OSCP1: variants seen among roughly 807,000 people sequenced by gnomAD.
The protein encoded by OSCP1 is protein OSCP1.
In OSCP1, 35 loss-of-function variants were observed where a neutral mutation model predicts 45.1. The observed-to-expected ratio is 0.78, with a 90% CI of 0.59 to 1.03. The LOEUF (loss-of-function observed/expected upper bound fraction) is 1.03. Among genes scored for constraint, OSCP1 ranks in the 50% least tolerant of loss-of-function variants. The pLI, the probability that OSCP1 is intolerant of heterozygous loss-of-function variation, is 0.00. For missense variants in OSCP1, 400 were observed against 470.7 expected, an observed-to-expected ratio of 0.85 and a Z score of 1.39; for synonymous variants, 179 against 180.1, an observed-to-expected ratio of 0.99 and a Z score of 0.05.
intron 2 of OSCP1, 48 bp downstream of exon 2, chr1:36,438,708 A>T: frequency 6.4e-7 from 1 of 1,562,814 alleles, no homozygotes; most frequent in African/African-American, 1.4e-5. Flanking sequence ...TCATCCACAA[A>T]AGGTACAAAA....
At chr1:36,418,305 G>A in intron 9 of OSCP1, 50 bp from the exon 10 acceptor site, 1 of 1,567,838 alleles carries the variant, frequency 6.4e-7, no homozygotes, top group Non-Finnish European at 8.8e-7. Flanking sequence ...GTGCTGGCAG[G>A]CCGCCTCTTT....
intron 8 of OSCP1, 21 bp from the exon 9 acceptor site, chr1:36,419,075 A>T (rs757788306): frequency 5.6e-6 from 9 of 1,593,362 alleles, no homozygotes; most frequent in Non-Finnish European, 6.9e-6. Flanking sequence ...TGGTAAAGAA[A>T]ATGGGTGCAA....
intron 2 of OSCP1, among the ~76,000 whole-genome samples, chr1:36,435,194 A>G (rs1470882493): frequency 1.3e-5 from 2 of 149,424 alleles, no homozygotes; most frequent in Non-Finnish European, 3.0e-5. Context: ...TCCCCTGCTC[A>G]AGCTATCCTC....
At chr1:36,431,719 T>C in intron 4 of OSCP1, 83 bp downstream of exon 4, 1 of 1,354,496 alleles carries the variant, frequency 7.4e-7, no homozygotes, top group Admixed American at 2.1e-5. Context: ...AAAATCTCCG[T>C]CCTTGTTTGC....
At position 36,447,356 on chromosome 1, in the gene OSCP1, T is replaced by C. The variant is rs1008750026; in HGVS notation, c.112+2902A>G. On this transcript the variant is annotated intron_variant, in intron 1 of 9. Coordinates refer to ENST00000235532, the MANE Select transcript of OSCP1 (RefSeq NM_145047.5). This position sits in a 1 kb window ranked among gnomAD's most constrained non-coding sequence, Gnocchi z 4.1. ...AAAATCAGTGGGTATATTGGATATA[T>C]ATTTTTCAGACTCCTCCCTCTCCTC... Among the ~76,000 whole-genome samples the C allele has an allele frequency of 2.6e-5, 4 of 152,222 alleles. No individual in the cohort carries two copies. The highest frequency in any genetic ancestry group is 5.9e-5 in the Non-Finnish European group (4 of 68,042).
intron 4 of OSCP1, among the ~76,000 whole-genome samples, chr1:36,426,134 A>G (rs1647949756): frequency 6.6e-6 from 1 of 152,248 alleles, no homozygotes; most frequent in Admixed American, 6.5e-5. Context: ...ATGTGAGTAC[A>G]AGAAAGGAGA....
At chr1:36,443,970 C>T in intron 1 of OSCP1, 2 of 1,604,826 alleles carry the variant, frequency 1.2e-6, no homozygotes, top group Admixed American at 1.7e-5. Context: ...CCTGTGGATG[C>T]ACACTGAACA....
chr1:36,432,671 C>A, intron 2 of OSCP1, 82 bp from the exon 3 acceptor site: 2 of 1,560,004 alleles, frequency 1.3e-6, no homozygotes, highest in Non-Finnish European at 1.8e-6. Flanking sequence ...TTCAGTCAAG[C>A]ATTTACTGAA....
At chr1:36,423,578 C>G in intron 4 of OSCP1, 112 bp from the exon 5 acceptor site, 1 of 830,600 alleles carries the variant, frequency 1.2e-6, no homozygotes, top group East Asian at 2.7e-5. Flanking sequence ...GAGTTTATAA[C>G]AATAAGAAGG....
At chr1:36,448,384 T>C (rs1649666790) in intron 1 of OSCP1, among the ~76,000 whole-genome samples, 1 of 152,096 alleles carries the variant, frequency 6.6e-6, no homozygotes, top group African/African-American at 2.4e-5. Flanking sequence ...AAAGGAAAAA[T>C]GACAATGCTA....
At chr1:36,424,970 C>T (rs890180292) in intron 4 of OSCP1, among the ~76,000 whole-genome samples, 2 of 151,790 alleles carry the variant, frequency 1.3e-5, no homozygotes, top group African/African-American at 4.8e-5. Flanking sequence ...GTCAGGAGTT[C>T]GAGACCAGCC....
Position 36,447,737 on chromosome 1 carries a change from C to A in OSCP1, c.112+2521G>T. The A allele has an allele frequency of 3.8e-6, 1 of 260,106 alleles. No homozygotes were observed. The allele number at this position is 260,106 out of a possible 1,614,324, so 16.1% of individuals were successfully genotyped here. The stretch of plus-strand genomic sequence containing the variant: ...AGGAGCCCTTGGTACAAAGTAAGTG[C>A]TTGATTTTTCATTGTTTTATTGTTG... On this transcript the variant is annotated intron_variant, in intron 1 of 9. Transcript: ENST00000235532. This position sits in a 1 kb window ranked among gnomAD's most constrained non-coding sequence, Gnocchi z 4.1.
rs992766696 is a variant in OSCP1 at position 36,422,312 on chromosome 1, G to T, written c.750-93C>A. The T allele has an allele frequency of 4.3e-6, 5 of 1,175,980 alleles. No individual in the cohort carries two copies. In the African/African-American group the frequency reaches 7.5e-5, roughly 18 times the overall value. The allele number at this position is 1,175,980 out of a possible 1,614,324, so 72.8% of individuals were successfully genotyped here. On this transcript the variant is annotated intron_variant, in intron 6 of 9. Coordinates refer to ENST00000235532, the MANE Select transcript of OSCP1 (RefSeq NM_145047.5). The stretch of plus-strand genomic sequence containing the variant: ...GCATAGTTTGTAGCTTTTATTCTGA[G>T]ACATTAAATAGCATCCAGAAAGGTG...
rs1647373769 is a variant in OSCP1 at position 36,417,971 on chromosome 1, TGC to T, written c.*166_*167del. The T allele has an allele frequency of 1.8e-6, 1 of 552,808 alleles. No homozygotes were observed. Among genetic ancestry groups the T allele is most frequent in the East Asian group, 3.0e-5 (1 of 32,936 alleles). 34.2% of individuals were successfully genotyped at this position (552,808 alleles called of 1,614,324 possible). A position where few individuals can be genotyped will look rare whatever the true frequency, so the allele number is the denominator to read the frequency against. ...GTATGTGTGTGCCTTCAAGAGTGAG[TGC>T]TCCTCAAGGGAGACTCACACAGTTC... On this transcript the variant is annotated 3_prime_UTR_variant, in exon 10 of 10. Transcript: ENST00000235532.
At chr1:36,429,812 A>AT (rs34228845) in intron 4 of OSCP1, among the ~76,000 whole-genome samples, 36,811 of 139,372 alleles carry the variant, frequency 0.26, 5,324 homozygotes, top group Middle Eastern at 0.4. Context: ...CAGTAGCATG[A>AT]TTTTTTTTTT....
chr1:36,450,412 G>C lies in OSCP1; in HGVS notation c.-43C>G. 6.5e-7 allele frequency: 1 copy of C among 1,528,436 alleles called. No individual in the cohort carries two copies. The highest frequency in any genetic ancestry group is 1.1e-5 in the South Asian group (1 of 89,088). 94.7% of individuals were successfully genotyped at this position (1,528,436 alleles called of 1,614,324 possible). A position where few individuals can be genotyped will look rare whatever the true frequency, so the allele number is the denominator to read the frequency against. On this transcript the variant is annotated 5_prime_UTR_variant, in exon 1 of 10. Transcript: ENST00000235532. ...GGACTGGTGAAGAGCCCCGGGGTTC[G>C]GTAGCCAGTGGCCTGAAGGCCAGGC... is the stretch of plus-strand genomic sequence containing the variant.
At chr1:36,437,525 T>A (rs1006475196) in intron 2 of OSCP1, among the ~76,000 whole-genome samples, 8 of 152,132 alleles carry the variant, frequency 5.3e-5, no homozygotes, top group African/African-American at 1.7e-4. Context: ...TTTATTTTAC[T>A]TATTTATTTT....
At chr1:36,432,340 C>G in intron 3 of OSCP1, 82 bp downstream of exon 3, 2 of 1,476,222 alleles carry the variant, frequency 1.4e-6, no homozygotes, top group Non-Finnish European at 1.8e-6. Context: ...CCTGTTCTCT[C>G]TGTCATAGAT....
chr1:36,418,875 C>G (rs1438973713), intron 9 of OSCP1, 116 bp downstream of exon 9: 1 of 814,396 alleles, frequency 1.2e-6, no homozygotes, highest in East Asian at 2.6e-5. Context: ...TTGCGGTAAG[C>G]TGAGATCAAG....
Sources: gnomAD v4.1 joint callset for allele counts (sites outside exome capture counted in the v4.1 genomes callset) on GRCh38, gnomAD v4.1.1 for gene constraint, Gnocchi (gnomAD v3.1) non-coding constraint, MANE v1.5 for transcripts, NCBI Gene and HGNC (gene_info 2026-07-23, HGNC 2026-07-21) for gene names.